Variants in FRMD6 observed in about 807,000 individuals in gnomAD.
The protein encoded by FRMD6 is FERM domain containing 6.
Under a neutral mutation model 73.2 loss-of-function variants are expected in FRMD6, and 37 were observed. The observed-to-expected ratio is 0.51, with a 90% CI of 0.39 to 0.66. The LOEUF (loss-of-function observed/expected upper bound fraction) is 0.66. Among genes scored for constraint, FRMD6 ranks in the 30% least tolerant of loss-of-function variants. FRMD6 has a pLI of 0.00. For missense variants in FRMD6, 714 were observed against 780.5 expected (o/e 0.91, Z 1.02); for synonymous variants, 273 against 282.2 (o/e 0.97, Z 0.33).
At chr14:51,479,174 G>T in the FRMD6 span, among the ~76,000 whole-genome samples, 710 of 152,218 alleles carry the variant, frequency 4.7e-3, 6 homozygotes, top group African/African-American at 0.017. Context: ...GAAGTAGTGA[G>T]AGTAACTTAG....
chr14:51,517,869 T>A (rs941196121), intron 1 of FRMD6, among the ~76,000 whole-genome samples: 1 of 129,088 alleles, frequency 7.7e-6, no homozygotes, highest in Non-Finnish European at 1.7e-5. Context: ...TGAACGGGGG[T>A]GATGAGTAGC....
intron 1 of FRMD6, among the ~76,000 whole-genome samples, chr14:51,665,468 AT>A (rs1216727146): frequency 6.6e-6 from 1 of 152,088 alleles, no homozygotes; most frequent in African/African-American, 2.4e-5. Context: ...GTCCTGTCTA[AT>A]GCGTACACAC....
At chr14:51,665,075 G>A (rs1160216349) in intron 1 of FRMD6, among the ~76,000 whole-genome samples, 1 of 152,136 alleles carries the variant, frequency 6.6e-6, no homozygotes, top group African/African-American at 2.4e-5. Flanking sequence ...CAAGCCTGTG[G>A]CCCACCAACA....
In FRMD6 at chr14:51,696,924, T is replaced by A. The variant is rs377029383; in HGVS notation, c.100-1218T>A. Among the ~76,000 whole-genome samples the A allele has an allele frequency of 5.9e-5, 9 of 152,082 alleles. No homozygotes were observed. In the East Asian group the frequency reaches 1.7e-3, roughly 29 times the overall value. On this transcript the variant is annotated intron_variant, in intron 2 of 13. Transcript: ENST00000344768. ...AAGATACACCCATGACCAATAGGCT[T>A]ATGAAAAAATGCTCGGCATCACTAA...
chr14:51,638,480 G>T (rs1891671555), intron 2 of FRMD6, among the ~76,000 whole-genome samples: 1 of 152,054 alleles, frequency 6.6e-6, no homozygotes, highest in South Asian at 2.1e-4. Context: ...ACTGCTCCGG[G>T]AGCCACAGCT....
intron 2 of FRMD6, among the ~76,000 whole-genome samples, chr14:51,646,363 T>A (rs1254467200): frequency 6.8e-6 from 1 of 146,162 alleles, no homozygotes; most frequent in East Asian, 2.0e-4. Context: ...AGAACCTCAG[T>A]GGCCCAAGAC....
At chr14:51,548,657 G>T (rs181644550) in intron 1 of FRMD6, among the ~76,000 whole-genome samples, 1 of 152,296 alleles carries the variant, frequency 6.6e-6, no homozygotes, top group Non-Finnish European at 1.5e-5. Context: ...TGGGGGAAAC[G>T]GGGAGATAAG....
the FRMD6 span, among the ~76,000 whole-genome samples, chr14:51,460,261 G>A: frequency 6.6e-6 from 1 of 152,150 alleles, no homozygotes; most frequent in East Asian, 1.9e-4. Flanking sequence ...CATGAACCAC[G>A]AGAGGGAACT....
intron 1 of FRMD6, among the ~76,000 whole-genome samples, chr14:51,539,721 A>G (rs1255560225): frequency 6.6e-6 from 1 of 152,124 alleles, no homozygotes; most frequent in Non-Finnish European, 1.5e-5. Context: ...TCTCTCTACT[A>G]AAGTTTCTTG....
chr14:51,543,817 G>A (rs1886323594), intron 1 of FRMD6, among the ~76,000 whole-genome samples: 1 of 152,026 alleles, frequency 6.6e-6, no homozygotes, highest in Admixed American at 6.6e-5. Flanking sequence ...TTTTTGAAAT[G>A]TAATTCTGGC....
the FRMD6 span, among the ~76,000 whole-genome samples, chr14:51,398,375 G>C: frequency 6.6e-6 from 1 of 152,038 alleles, no homozygotes; most frequent in Non-Finnish European, 1.5e-5. Context: ...ATGGTCTTCA[G>C]ACAAGGCAAA....
the FRMD6 span, among the ~76,000 whole-genome samples, chr14:51,449,252 T>G: frequency 4.6e-5 from 7 of 152,094 alleles, no homozygotes; most frequent in Non-Finnish European, 7.4e-5. Context: ...AAGGCCAAGC[T>G]CTCCCTGTGG....
At chr14:51,701,267 TA>T in intron 4 of FRMD6, 108 bp downstream of exon 4, 1 of 471,636 alleles carries the variant, frequency 2.1e-6, no homozygotes, top group Non-Finnish European at 3.7e-6. Context: ...TGTACTATAC[TA>T]TATTTTCTAC....
intron 2 of FRMD6, among the ~76,000 whole-genome samples, chr14:51,642,353 A>T (rs1891851035): frequency 6.6e-6 from 1 of 152,182 alleles, no homozygotes; most frequent in Non-Finnish European, 1.5e-5. Flanking sequence ...CAGCCTGGCC[A>T]ACATTGTGAA....
In FRMD6 at chr14:51,492,016, G is replaced by A. The variant is rs971015752; in HGVS notation, c.-210+2596G>A. On this transcript the variant is annotated intron_variant, in intron 1 of 14. Coordinates refer to the FRMD6 transcript ENST00000356218. ...TATCTTGGTCTTTGTTTACAAACAA[G>A]GGCTGTGCATCTTGTTCTTTCCTTG... 2.0e-5 allele frequency among the ~76,000 whole-genome samples: 3 copies of A among 152,182 alleles called. No homozygotes were observed. In the East Asian group the frequency reaches 5.8e-4, roughly 29 times the overall value.
At chr14:51,669,662 A>G (rs1238962608) in intron 1 of FRMD6, among the ~76,000 whole-genome samples, 1 of 152,096 alleles carries the variant, frequency 6.6e-6, no homozygotes, top group Non-Finnish European at 1.5e-5. Context: ...TCTTTGGTGA[A>G]GTGACTTTTT....
chr14:51,719,812 T>A (rs1897432854), intron 10 of FRMD6, among the ~76,000 whole-genome samples: 1 of 152,220 alleles, frequency 6.6e-6, no homozygotes, highest in African/African-American at 2.4e-5. Context: ...TAAATACCAC[T>A]CTTCTTATAC....
rs189296578 is a variant in FRMD6, at chr14:51,634,561, A to G, written c.-146-55130A>G. 8.5e-5 allele frequency among the ~76,000 whole-genome samples: 13 copies of G among 152,184 alleles called. No homozygotes were observed. In the East Asian group the frequency reaches 2.3e-3, roughly 27 times the overall value. On this transcript the variant is annotated intron_variant, in intron 2 of 14. Transcript: ENST00000356218. ...AAATGTAAAATCATGAAATTCAAGTACTCTTGGGAAATCCAAACAAATTTT... is the reference window on the plus strand; with the variant it reads ...AAATGTAAAATCATGAAATTCAAGTGCTCTTGGGAAATCCAAACAAATTTT...
the FRMD6 span, among the ~76,000 whole-genome samples, chr14:51,474,406 C>T: frequency 6.6e-6 from 1 of 152,142 alleles, no homozygotes; most frequent in Non-Finnish European, 1.5e-5. Context: ...TTTACAATGG[C>T]AGTTTGGGAC....
Sources: gnomAD v4.1 joint callset for allele counts (sites outside exome capture counted in the v4.1 genomes callset) on GRCh38, gnomAD v4.1.1 for gene constraint, MANE v1.5 for transcripts, NCBI Gene and HGNC (gene_info 2026-07-23, HGNC 2026-07-21) for gene names.